Variants in HDAC9 observed in about 807,000 individuals in gnomAD.
HDAC9 encodes MEF-2 interacting transcription repressor (MITR) protein.
Under a neutral mutation model 139.4 loss-of-function variants are expected in HDAC9, and 41 were observed. That is an observed-to-expected ratio of 0.29 (90% CI 0.23 to 0.38). HDAC9 has a LOEUF of 0.38. Among genes scored for constraint, HDAC9 ranks in the 10% least tolerant of loss-of-function variants. The pLI, the probability that HDAC9 is intolerant of heterozygous loss-of-function variation, is 1.00. For missense variants in HDAC9, 1,147 were observed against 1,297.0 expected, an observed-to-expected ratio of 0.88 and a Z score of 1.78; for synonymous variants, 517 against 476.2, an observed-to-expected ratio of 1.09 and a Z score of -1.12.
chr7:18,529,998 C>T (rs1974489), intron 2 of HDAC9, among the ~76,000 whole-genome samples: 29,560 of 151,918 alleles, frequency 0.19, 3,518 homozygotes, highest in Admixed American at 0.3. Context: ...AGGTCGGGCA[C>T]GGTGGTTCAC....
In HDAC9 at chr7:18,905,110, C is replaced by G. The variant is rs192308940; in HGVS notation, c.2803+30514C>G. 4.9e-4 allele frequency among the ~76,000 whole-genome samples: 75 copies of G among 152,034 alleles called. 1 individual carries two copies. Among genetic ancestry groups the G allele is most frequent in the Admixed American group, 2.0e-3 (31 of 15,282 alleles). On this transcript the variant is annotated intron_variant, in intron 22 of 25. Transcript: ENST00000686413. ...CTGACCATGTTGGCCAGGTTGGTCT[C>G]AAACTCTTCGCCTCAAGTGATCCAC...
At chr7:18,386,024 A>C (rs911082866) in intron 1 of HDAC9, among the ~76,000 whole-genome samples, 6 of 151,752 alleles carry the variant, frequency 4.0e-5, no homozygotes, top group Non-Finnish European at 1.5e-5. Context: ...TATTTAGATG[A>C]TTATACTTAT....
intron 1 of HDAC9, among the ~76,000 whole-genome samples, chr7:18,134,599 A>G (rs935477108): frequency 6.6e-6 from 1 of 152,216 alleles, no homozygotes; most frequent in African/African-American, 2.4e-5. Flanking sequence ...GTTGTAAGTT[A>G]TCAACATAGT....
At chr7:18,880,494 C>G (rs767159411) in intron 22 of HDAC9, among the ~76,000 whole-genome samples, 33 of 152,124 alleles carry the variant, frequency 2.2e-4, no homozygotes, top group Non-Finnish European at 3.4e-4. Flanking sequence ...AAGCTCATGT[C>G]TTTTGTGGAA....
intron 22 of HDAC9, among the ~76,000 whole-genome samples, chr7:18,905,643 G>C (rs1287772926): frequency 6.6e-6 from 1 of 152,166 alleles, no homozygotes; most frequent in Non-Finnish European, 1.5e-5. Context: ...AAACCTGCAA[G>C]TTTTTGTGTA....
Position 18,234,365 on chromosome 7 carries a change from C to T in HDAC9, c.25+72016C>T, listed in dbSNP as rs147368483. On this transcript the variant is annotated intron_variant, in intron 2 of 12. Coordinates refer to the HDAC9 transcript ENST00000417496. Reference sequence around the variant, plus strand: ...AAGAGAGAATAAGTGTTATAGAAATCTAGAGAAGGGGTAGGTAGGCTAGAG... The same window carrying T: ...AAGAGAGAATAAGTGTTATAGAAATTTAGAGAAGGGGTAGGTAGGCTAGAG... 6.5e-3 allele frequency among the ~76,000 whole-genome samples: 990 copies of T among 152,246 alleles called. 15 individuals carry two copies. Among genetic ancestry groups the T allele is most frequent in the African/African-American group, 0.022 (927 of 41,560 alleles).
At chr7:18,863,099 A>G (rs191824433) in intron 21 of HDAC9, among the ~76,000 whole-genome samples, 130 of 152,344 alleles carry the variant, frequency 8.5e-4, no homozygotes, top group African/African-American at 3.0e-3. Context: ...TGATGTTTGC[A>G]TTTAAAGCAA....
chr7:18,404,477 T>A (rs1787830148), intron 1 of HDAC9, among the ~76,000 whole-genome samples: 1 of 152,234 alleles, frequency 6.6e-6, no homozygotes, highest in Non-Finnish European at 1.5e-5. Context: ...TTCTACAGGG[T>A]AAGGGCTGTG....
At chr7:18,863,554 C>T (rs755633098) in intron 21 of HDAC9, among the ~76,000 whole-genome samples, 1 of 152,110 alleles carries the variant, frequency 6.6e-6, no homozygotes, top group Admixed American at 6.5e-5. Context: ...AAAGATTGGG[C>T]ACCCCTGTTT....
chr7:18,636,293 C>T (rs2285432), intron 8 of HDAC9, among the ~76,000 whole-genome samples: 15 of 151,882 alleles, frequency 9.9e-5, no homozygotes, highest in Admixed American at 1.3e-4. Flanking sequence ...CCCTGCCAGC[C>T]CCCCCTGCCC....
intron 2 of HDAC9, among the ~76,000 whole-genome samples, chr7:18,175,417 G>T (rs145841103): frequency 4.7e-4 from 72 of 152,324 alleles, no homozygotes; most frequent in African/African-American, 1.7e-3. Context: ...CACTTCCCAG[G>T]TGAGGTGATG....
chr7:18,570,199 A>C (rs369820927), intron 2 of HDAC9, among the ~76,000 whole-genome samples: 24 of 152,300 alleles, frequency 1.6e-4, no homozygotes, highest in Non-Finnish European at 3.1e-4. Flanking sequence ...AAAACAAAAA[A>C]AAATGCTAAT....
chr7:18,249,760 A>C (rs1321599310), intron 2 of HDAC9, among the ~76,000 whole-genome samples: 1 of 152,102 alleles, frequency 6.6e-6, no homozygotes, highest in Non-Finnish European at 1.5e-5. Flanking sequence ...TGTCTTTAAC[A>C]TTTCTTATTA....
intron 2 of HDAC9, among the ~76,000 whole-genome samples, chr7:18,507,925 A>T (rs547404454): frequency 6.6e-6 from 1 of 152,258 alleles, no homozygotes; most frequent in Non-Finnish European, 1.5e-5. Context: ...AAGGAACAAC[A>T]TAACATGTTG....
chr7:18,515,200 A>AT (rs1288571453), intron 2 of HDAC9, among the ~76,000 whole-genome samples: 1 of 152,244 alleles, frequency 6.6e-6, no homozygotes, highest in African/African-American at 2.4e-5. Context: ...TGCAATCAAG[A>AT]TAACAAGAGT....
intron 23 of HDAC9, among the ~76,000 whole-genome samples, chr7:18,940,254 C>A (rs999805690): frequency 4.6e-5 from 7 of 152,090 alleles, no homozygotes; most frequent in African/African-American, 1.7e-4. Flanking sequence ...GCATTTTCTT[C>A]TTTTTAAATA....
chr7:18,694,545 G>T (rs1277058880), intron 12 of HDAC9, among the ~76,000 whole-genome samples: 8 of 152,136 alleles, frequency 5.3e-5, no homozygotes, highest in African/African-American at 1.2e-4. Flanking sequence ...CTGACGCAGG[G>T]CACCCCAATT....
Position 18,297,925 on chromosome 7 carries a change from G to A in HDAC9, c.-42+7410G>A, listed in dbSNP as rs1585053193. 4.6e-5 allele frequency among the ~76,000 whole-genome samples: 7 copies of A among 152,286 alleles called. No homozygotes were observed. In the East Asian group the frequency reaches 1.2e-3, roughly 25 times the overall value. Reference sequence around the variant, plus strand: ...TTAATGACGTTCCATCCTGCCTAAGGCCTGTGCCTGGGGGATTTCACTCTG... The same window carrying A: ...TTAATGACGTTCCATCCTGCCTAAGACCTGTGCCTGGGGGATTTCACTCTG... On this transcript the variant is annotated intron_variant, in intron 1 of 3. Coordinates refer to the HDAC9 transcript ENST00000413509.
At chr7:18,517,104 A>AT (rs1336053579) in intron 2 of HDAC9, among the ~76,000 whole-genome samples, 4 of 152,094 alleles carry the variant, frequency 2.6e-5, no homozygotes, top group African/African-American at 9.7e-5. Context: ...TCCAAGATAA[A>AT]TTTTTTGATC....
Sources: allele counts gnomAD v4.1 joint callset (sites outside exome capture counted in the v4.1 genomes callset), GRCh38; gene constraint gnomAD v4.1.1; transcripts MANE v1.5; gene names NCBI Gene and HGNC (gene_info 2026-07-23, HGNC 2026-07-21).